CACNA2D3: variants seen among roughly 807,000 people sequenced by gnomAD.
The protein encoded by CACNA2D3 is calcium voltage-gated channel auxiliary subunit alpha2delta 3.
A neutral mutation model predicts 160.6 loss-of-function variants in CACNA2D3; 60 were observed. That is an observed-to-expected ratio of 0.37 (90% CI 0.30 to 0.46). The LOEUF is 0.46. Ranked by LOEUF, CACNA2D3 falls within the 20% of genes least tolerant of loss-of-function variation. The pLI is 1.00. For missense variants in CACNA2D3, 1,205 were observed against 1,365.0 expected, an observed-to-expected ratio of 0.88 and a Z score of 1.85; for synonymous variants, 558 against 492.9, an observed-to-expected ratio of 1.13 and a Z score of -1.75.
chr3:54,361,980 G>C (rs893911646), intron 3 of CACNA2D3, among the ~76,000 whole-genome samples: 2 of 152,190 alleles, frequency 1.3e-5, no homozygotes, highest in African/African-American at 4.8e-5. Flanking sequence ...ATCAACATGA[G>C]CGTTAACAGC....
At chr3:54,573,881 C>A (rs1255304850) in intron 8 of CACNA2D3, among the ~76,000 whole-genome samples, 9 of 152,138 alleles carry the variant, frequency 5.9e-5, no homozygotes, top group Non-Finnish European at 1.2e-4. Flanking sequence ...TCCTCCATCA[C>A]CTCCTTCTGT....
chr3:54,403,140 C>G (rs149789058), intron 4 of CACNA2D3, among the ~76,000 whole-genome samples: 4 of 152,050 alleles, frequency 2.6e-5, no homozygotes, highest in Non-Finnish European at 5.9e-5. Context: ...ATGGACAGAT[C>G]ACTTGAAGAG....
chr3:54,252,117 A>C (rs1354463197), intron 2 of CACNA2D3, among the ~76,000 whole-genome samples: 1 of 39,170 alleles, frequency 2.6e-5, no homozygotes, highest in African/African-American at 2.1e-4. Context: ...TTTTTTTTGT[A>C]CGATACTCTC....
At chr3:54,845,501 C>T (rs1056138512) in intron 16 of CACNA2D3, among the ~76,000 whole-genome samples, 2 of 152,112 alleles carry the variant, frequency 1.3e-5, no homozygotes. Context: ...TTTCTTTCTT[C>T]AGAGAGACAG....
intron 2 of CACNA2D3, among the ~76,000 whole-genome samples, chr3:54,135,440 C>G (rs1186510781): frequency 2.0e-5 from 3 of 152,222 alleles, no homozygotes; most frequent in Admixed American, 6.5e-5. Flanking sequence ...ATGGTCTGCT[C>G]TCTTCCCCAG....
At chr3:54,961,215 A>C (rs1424470116) in intron 27 of CACNA2D3, among the ~76,000 whole-genome samples, 4 of 152,234 alleles carry the variant, frequency 2.6e-5, no homozygotes, top group Non-Finnish European at 4.4e-5. Context: ...AGAAATAAAA[A>C]TTCAGAGACT....
intron 11 of CACNA2D3, among the ~76,000 whole-genome samples, chr3:54,710,255 A>G (rs1038866160): frequency 1.3e-5 from 2 of 152,216 alleles, no homozygotes; most frequent in African/African-American, 4.8e-5. Context: ...GGGAAAATCA[A>G]TGTCTTGAAG....
chr3:54,325,726 T>C (rs1363937337), intron 3 of CACNA2D3, among the ~76,000 whole-genome samples: 1 of 152,190 alleles, frequency 6.6e-6, no homozygotes, highest in Non-Finnish European at 1.5e-5. Context: ...ATGAACTCTT[T>C]TGGGGAATGT....
At chr3:54,872,628 C>T (rs902480600) in intron 18 of CACNA2D3, among the ~76,000 whole-genome samples, 38 of 152,326 alleles carry the variant, frequency 2.5e-4, no homozygotes, top group South Asian at 2.1e-4. Context: ...TCTTTCCACA[C>T]GCTCTGCACT....
chr3:54,952,074 G>A (rs1172600396), intron 27 of CACNA2D3, among the ~76,000 whole-genome samples: 2 of 152,084 alleles, frequency 1.3e-5, no homozygotes, highest in East Asian at 1.9e-4. Context: ...TCACAAACTC[G>A]TGGCCTCAAG....
intron 5 of CACNA2D3, among the ~76,000 whole-genome samples, chr3:54,531,260 C>T (rs1429261873): frequency 6.6e-6 from 1 of 152,240 alleles, no homozygotes; most frequent in African/African-American, 2.4e-5. Flanking sequence ...CACGTCTGCA[C>T]ACCTGTTGGG....
At chr3:54,342,230 A>G (rs1456848395) in intron 3 of CACNA2D3, among the ~76,000 whole-genome samples, 1 of 152,200 alleles carries the variant, frequency 6.6e-6, no homozygotes, top group Non-Finnish European at 1.5e-5. Flanking sequence ...TAGGCCACTT[A>G]TCCACTGGAC....
chr3:54,719,991 C>G lies in CACNA2D3; in HGVS notation c.1168-32608C>G, dbSNP rs75089058. Reference sequence around the variant, plus strand: ...CATGTAAAAGATCTGTAGGGCCCTTCTTTTTTCCATTTCCAATATGATTAA... The same window carrying G: ...CATGTAAAAGATCTGTAGGGCCCTTGTTTTTTCCATTTCCAATATGATTAA... On this transcript the variant is annotated intron_variant, in intron 11 of 37. Transcript: ENST00000474759. Among the ~76,000 whole-genome samples, 118 of 151,940 alleles carry G rather than the reference C, an allele frequency of 7.8e-4. No homozygotes were observed. In the East Asian group the frequency reaches 0.021, roughly 27 times the overall value.
chr3:54,563,423 C>A (rs1033196388), intron 6 of CACNA2D3, among the ~76,000 whole-genome samples: 1 of 152,136 alleles, frequency 6.6e-6, no homozygotes, highest in South Asian at 2.1e-4. Flanking sequence ...GCCCAGGCGT[C>A]GCTGACGGCA....
chr3:54,767,846 C>T (rs1039940154), intron 13 of CACNA2D3, among the ~76,000 whole-genome samples: 2 of 152,038 alleles, frequency 1.3e-5, no homozygotes, highest in African/African-American at 4.8e-5. Context: ...TAAGGAATGA[C>T]AATAATGGTT....
At chr3:54,461,626 C>G (rs1457679003) in intron 4 of CACNA2D3, among the ~76,000 whole-genome samples, 1 of 151,524 alleles carries the variant, frequency 6.6e-6, no homozygotes, top group Non-Finnish European at 1.5e-5. Context: ...GGTGATATCC[C>G]CTTTATCGTT....
Position 54,625,029 on chromosome 3 carries a change from C to T in CACNA2D3, c.964-2758C>T, listed in dbSNP as rs186852809. Among the ~76,000 whole-genome samples, 131 of 152,304 alleles carry T rather than the reference C, an allele frequency of 8.6e-4. 1 individual carries two copies. The highest frequency in any genetic ancestry group is 2.4e-3 in the African/African-American group (98 of 41,568). On this transcript the variant is annotated intron_variant, in intron 9 of 37. Coordinates refer to ENST00000474759, the MANE Select transcript of CACNA2D3 (RefSeq NM_018398.3). ...CACCAGGCATTCCTGGAGGACCTGC[C>T]ATGCACTTGGCATCCTGATGGGCCT...
chr3:54,864,859 G>A (rs1699365447), intron 17 of CACNA2D3, among the ~76,000 whole-genome samples: 1 of 152,150 alleles, frequency 6.6e-6, no homozygotes, highest in African/African-American at 2.4e-5. Context: ...GCACCACGAT[G>A]CTGCTGCCTG....
chr3:54,436,844 T>G (rs182795984), intron 4 of CACNA2D3, among the ~76,000 whole-genome samples: 1 of 152,228 alleles, frequency 6.6e-6, no homozygotes, highest in Non-Finnish European at 1.5e-5. Context: ...GCTTAAAACC[T>G]AGATGACGGG....
Sources: allele counts gnomAD v4.1 joint callset (sites outside exome capture counted in the v4.1 genomes callset), GRCh38; gene constraint gnomAD v4.1.1; transcripts MANE v1.5; gene names NCBI Gene and HGNC (gene_info 2026-07-23, HGNC 2026-07-21).